GALNTL5: variants seen among roughly 807,000 people sequenced by gnomAD.
GALNTL5 encodes inactive polypeptide N-acetylgalactosaminyltransferase-like protein 5.
In GALNTL5, 44 loss-of-function variants were observed where a neutral mutation model predicts 51.0. The ratio of observed to expected loss-of-function variants is 0.86; its 90% CI spans 0.68 to 1.11. The LOEUF is 1.11. GALNTL5 is among the 50% of genes least tolerant of loss of function. The pLI, the probability that GALNTL5 is intolerant of heterozygous loss-of-function variation, is 0.00. For synonymous variants in GALNTL5, 192 were observed against 182.8 expected (o/e 1.05, Z -0.41); for missense variants, 528 against 531.8 (o/e 0.99, Z 0.07).
At chr7:151,970,147 T>C (rs951966552) in intron 2 of GALNTL5, among the ~76,000 whole-genome samples, 7 of 69,638 alleles carry the variant, frequency 1.0e-4, no homozygotes, top group African/African-American at 2.8e-4. Context: ...GAGGGGGTAG[T>C]TGGGGGGGCC....
At chr7:152,015,910 T>C (rs1272756094) in intron 8 of GALNTL5, among the ~76,000 whole-genome samples, 7 of 152,170 alleles carry the variant, frequency 4.6e-5, no homozygotes, top group Non-Finnish European at 2.9e-5. Flanking sequence ...AAAATCTCAT[T>C]TCAGATGAAC....
intron 1 of GALNTL5, among the ~76,000 whole-genome samples, chr7:151,957,139 CGAGAA>C (rs1301173425): frequency 1.9e-5 from 2 of 105,700 alleles, no homozygotes; most frequent in African/African-American, 4.1e-5. Flanking sequence ...GACTCTGTCT[CGAGAA>C]AAAAAAAAAA....
intron 8 of GALNTL5, among the ~76,000 whole-genome samples, chr7:152,017,264 A>T (rs529405641): frequency 6.6e-6 from 1 of 152,212 alleles, no homozygotes; most frequent in Non-Finnish European, 1.5e-5. Context: ...CCTGTATGGC[A>T]TGTGACTCTA....
At position 151,967,106 on chromosome 7, in the gene GALNTL5, G is replaced by A. The variant is rs922011084; in HGVS notation, c.-39-102G>A. 6 of 669,188 alleles carry A rather than the reference G, an allele frequency of 9.0e-6. 1 individual carries two copies. Among genetic ancestry groups the A allele is most frequent in the South Asian group, 5.9e-5 (3 of 50,618 alleles). The allele number at this position is 669,188 out of a possible 1,614,324, so 41.5% of individuals were successfully genotyped here. On this transcript the variant is annotated intron_variant, in intron 1 of 8. Coordinates refer to ENST00000392800, the MANE Select transcript of GALNTL5 (RefSeq NM_145292.4). ...TATGTATATGATAAGGGCCATCAAC[G>A]TGATTGTTTTTAAAACACTAAAAAT...
intron 3 of GALNTL5, among the ~76,000 whole-genome samples, chr7:151,974,870 G>C (rs994780447): frequency 6.6e-6 from 1 of 152,102 alleles, no homozygotes; most frequent in Admixed American, 6.6e-5. Context: ...AAGAAAAGTG[G>C]ACTTGGCAGT....
chr7:151,961,338 CA>C (rs35782745), intron 1 of GALNTL5, among the ~76,000 whole-genome samples: 47,242 of 146,900 alleles, frequency 0.32, 8,482 homozygotes, highest in African/African-American at 0.48. Flanking sequence ...GCCAACTCTA[CA>C]AAAAAAAAAA....
At chr7:151,984,844 G>A (rs1224064664) in intron 4 of GALNTL5, among the ~76,000 whole-genome samples, 1 of 152,150 alleles carries the variant, frequency 6.6e-6, no homozygotes, top group East Asian at 1.9e-4. Context: ...CAAGAATGCT[G>A]CCATGGAGAC....
chr7:151,982,695 T>C (rs778560947), intron 3 of GALNTL5: 1 of 440,918 alleles, frequency 2.3e-6, no homozygotes, highest in East Asian at 5.1e-5. Flanking sequence ...ATGAATATAA[T>C]TTGTGTTTAT....
At chr7:151,983,714 G>A (rs2081326058) in intron 4 of GALNTL5, among the ~76,000 whole-genome samples, 1 of 152,182 alleles carries the variant, frequency 6.6e-6, no homozygotes, top group South Asian at 2.1e-4. Flanking sequence ...AGGAAGAAGT[G>A]ACATGTCAAC....
intron 5 of GALNTL5, among the ~76,000 whole-genome samples, chr7:152,001,177 T>C (rs574631051): frequency 1.1e-4 from 16 of 151,794 alleles, no homozygotes; most frequent in Non-Finnish European, 1.9e-4. Flanking sequence ...CCTCCCAAAG[T>C]GCTGGGATTA....
intron 1 of GALNTL5, among the ~76,000 whole-genome samples, chr7:151,963,993 G>C (rs2081026447): frequency 6.6e-6 from 1 of 152,182 alleles, no homozygotes; most frequent in Non-Finnish European, 1.5e-5. Context: ...AAGTCCAACA[G>C]ACTGGGAGGC....
chr7:152,019,401 A>C (rs540621811), intron 8 of GALNTL5, among the ~76,000 whole-genome samples: 224 of 152,338 alleles, frequency 1.5e-3, no homozygotes, highest in African/African-American at 5.2e-3. Flanking sequence ...CCTGAGAAGC[A>C]GGACCCAGTC....
intron 6 of GALNTL5, among the ~76,000 whole-genome samples, chr7:152,007,593 T>A (rs2081664183): frequency 6.6e-6 from 1 of 151,846 alleles, no homozygotes; most frequent in African/African-American, 2.4e-5. Context: ...TAATTTTTTG[T>A]ATTTTTAGTA....
At chr7:152,003,462 T>C (rs562081668) in intron 6 of GALNTL5, among the ~76,000 whole-genome samples, 2 of 152,334 alleles carry the variant, frequency 1.3e-5, no homozygotes, top group South Asian at 4.1e-4. Context: ...TCTCTCAACT[T>C]CAATGTCGTC....
At chr7:152,005,084 G>A (rs763513723) in intron 6 of GALNTL5, among the ~76,000 whole-genome samples, 1 of 152,150 alleles carries the variant, frequency 6.6e-6, no homozygotes, top group Admixed American at 6.5e-5. Context: ...CTGTGCAAGC[G>A]TTCCCTTTTC....
chr7:151,958,784 A>T (rs1220243333), intron 1 of GALNTL5, among the ~76,000 whole-genome samples: 1 of 152,204 alleles, frequency 6.6e-6, no homozygotes, highest in East Asian at 1.9e-4. Context: ...TCCAAGAAGA[A>T]TGAGGTTACA....
chr7:152,014,425 G>A (rs1271855983), intron 7 of GALNTL5, among the ~76,000 whole-genome samples: 3 of 151,982 alleles, frequency 2.0e-5, no homozygotes, highest in Non-Finnish European at 2.9e-5. Flanking sequence ...GCGCCACCAC[G>A]CCTGGCTAAT....
chr7:151,988,074 G>A (rs1444635746), intron 5 of GALNTL5, among the ~76,000 whole-genome samples: 2 of 152,200 alleles, frequency 1.3e-5, no homozygotes, highest in East Asian at 1.9e-4. Context: ...AGGGACATCC[G>A]AGCAGCACAC....
intron 1 of GALNTL5, 96 bp from the exon 2 acceptor site, chr7:151,967,112 G>C (rs933433950): frequency 2.7e-5 from 19 of 715,772 alleles, no homozygotes; most frequent in Non-Finnish European, 2.7e-5. Context: ...CAACGTGATT[G>C]TTTTTAAAAC....
Sources: gnomAD v4.1 joint callset for allele counts (sites outside exome capture counted in the v4.1 genomes callset) on GRCh38, gnomAD v4.1.1 for gene constraint, MANE v1.5 for transcripts, NCBI Gene and HGNC (gene_info 2026-07-23, HGNC 2026-07-21) for gene names.